PRKN: variants seen among roughly 807,000 people sequenced by gnomAD.
PRKN encodes parkin RBR E3 ubiquitin protein ligase, also known as E3 ubiquitin-protein ligase parkin.
PRKN carries 56 observed loss-of-function variants against 59.5 expected under a neutral mutation model. The observed-to-expected ratio is 0.94, with a 90% CI of 0.76 to 1.18. The LOEUF is 1.18. PRKN is among the 50% of genes most tolerant of loss of function. The pLI is 0.00. For missense variants in PRKN, 657 were observed against 596.4 expected, an observed-to-expected ratio of 1.10 and a Z score of -1.06; for synonymous variants, 250 against 222.1, an observed-to-expected ratio of 1.13 and a Z score of -1.12.
At chr6:162,455,478 T>C (rs562155838) in intron 1 of PRKN, among the ~76,000 whole-genome samples, 3 of 152,348 alleles carry the variant, frequency 2.0e-5, no homozygotes, top group African/African-American at 7.2e-5. Flanking sequence ...CTGAATACTG[T>C]AGGCAATTAT....
At chr6:162,704,227 C>T (rs1159298581) in intron 1 of PRKN, among the ~76,000 whole-genome samples, 2 of 152,014 alleles carry the variant, frequency 1.3e-5, no homozygotes, top group African/African-American at 2.4e-5. Flanking sequence ...AGGTGGACTG[C>T]GGGGGGGTTG....
intron 2 of PRKN, among the ~76,000 whole-genome samples, chr6:162,371,638 C>A (rs1054652555): frequency 3.3e-5 from 5 of 152,070 alleles, no homozygotes; most frequent in African/African-American, 9.7e-5. Context: ...AATAACCATT[C>A]GATAAAACTT....
intron 4 of PRKN, among the ~76,000 whole-genome samples, chr6:162,172,922 T>C (rs944329330): frequency 6.6e-6 from 1 of 151,886 alleles, no homozygotes; most frequent in African/African-American, 2.4e-5. Flanking sequence ...AAGGGGGGCG[T>C]GTGGGAGTGT....
chr6:162,562,278 C>T (rs369238093), intron 1 of PRKN, among the ~76,000 whole-genome samples: 6 of 152,110 alleles, frequency 3.9e-5, no homozygotes, highest in Non-Finnish European at 7.4e-5. Context: ...CCTTGGGTCA[C>T]GAATAACCAG....
intron 7 of PRKN, among the ~76,000 whole-genome samples, chr6:161,764,753 C>G (rs550835017): frequency 6.6e-6 from 1 of 152,156 alleles, no homozygotes; most frequent in Admixed American, 6.5e-5. Context: ...TGTATTAAAA[C>G]AATAGCTAAA....
At chr6:162,055,117 G>A (rs889860340) in intron 4 of PRKN, among the ~76,000 whole-genome samples, 1 of 152,122 alleles carries the variant, frequency 6.6e-6, no homozygotes, top group African/African-American at 2.4e-5. Context: ...AGCCGAGATT[G>A]TGCCACTGCA....
intron 2 of PRKN, among the ~76,000 whole-genome samples, chr6:162,379,637 T>C (rs1172407471): frequency 1.3e-5 from 2 of 152,118 alleles, no homozygotes; most frequent in African/African-American, 4.8e-5. Flanking sequence ...TGGACCCGCC[T>C]CTGGCTGGTG....
intron 2 of PRKN, among the ~76,000 whole-genome samples, chr6:162,277,253 G>A (rs1780673777): frequency 6.6e-6 from 1 of 152,104 alleles, no homozygotes; most frequent in South Asian, 2.1e-4. Flanking sequence ...AAAGAGGAGG[G>A]TTATTTCTGC....
intron 2 of PRKN, among the ~76,000 whole-genome samples, chr6:162,281,679 T>C (rs1780917069): frequency 6.6e-6 from 1 of 152,188 alleles, no homozygotes; most frequent in Non-Finnish European, 1.5e-5. Context: ...AGAAGAATTA[T>C]AGTCAAATAC....
intron 6 of PRKN, among the ~76,000 whole-genome samples, chr6:161,829,995 G>A (rs1792416512): frequency 6.6e-6 from 1 of 152,116 alleles, no homozygotes; most frequent in Admixed American, 6.5e-5. Flanking sequence ...TCATGTTGGT[G>A]CCCTGCTTCG....
At position 161,873,968 on chromosome 6, in the gene PRKN, A is replaced by ATAAT. The variant is rs1419124417; in HGVS notation, c.735-88064_735-88061dup. ...AAGAAATATATATTATATGTAAAAT[A>ATAAT]TAATATATAAAATATATATGTAAAA... On this transcript the variant is annotated intron_variant, in intron 6 of 11. Transcript: ENST00000366898. Among the ~76,000 whole-genome samples, 2 of 70,172 alleles carry ATAAT rather than the reference A, an allele frequency of 2.9e-5. 1 individual carries two copies. Among genetic ancestry groups the ATAAT allele is most frequent in the African/African-American group, 1.0e-4 (2 of 19,174 alleles). 46.0% of individuals were successfully genotyped at this position (70,172 alleles called of 152,430 possible).
chr6:162,426,329 G>A (rs1311269529), intron 2 of PRKN, among the ~76,000 whole-genome samples: 1 of 152,196 alleles, frequency 6.6e-6, no homozygotes, highest in Admixed American at 6.5e-5. Context: ...AGGCATGACT[G>A]TTCAATCATG....
intron 3 of PRKN, among the ~76,000 whole-genome samples, chr6:162,216,562 A>C (rs982604787): frequency 4.6e-5 from 7 of 150,648 alleles, no homozygotes; most frequent in East Asian, 2.0e-4. Context: ...AAAAAAAAAA[A>C]AACCCAGTTT....
rs1786185767 is a variant in PRKN at position 161,699,994 on chromosome 6, T to C, written c.871+85778A>G. ...TAGTGGCCTGCAGGGTCTGCAGTCA[T>C]GGGTATTTCTAATCTTCCTTGACCT... On this transcript the variant is annotated intron_variant, in intron 7 of 11. Transcript: ENST00000366898. Among the ~76,000 whole-genome samples, 6 of 152,216 alleles carry C rather than the reference T, an allele frequency of 3.9e-5. 1 individual carries two copies. The South Asian group carries it at 1.2e-3, about 32-fold the overall frequency.
At chr6:162,263,849 G>A (rs1004607010) in intron 2 of PRKN, among the ~76,000 whole-genome samples, 2 of 152,016 alleles carry the variant, frequency 1.3e-5, no homozygotes, top group South Asian at 4.1e-4. Flanking sequence ...AGCTACTCGG[G>A]AGGCTGAGGC....
chr6:162,534,731 C>T (rs1219699133), intron 1 of PRKN, among the ~76,000 whole-genome samples: 1 of 152,098 alleles, frequency 6.6e-6, no homozygotes, highest in East Asian at 1.9e-4. Context: ...AACATGTTTC[C>T]ACCAGATCTG....
At chr6:161,408,618 C>A (rs1290434782) in intron 9 of PRKN, among the ~76,000 whole-genome samples, 1 of 151,240 alleles carries the variant, frequency 6.6e-6, no homozygotes, top group African/African-American at 2.4e-5. Context: ...GTCAGGGGGT[C>A]GGCGAGGCTG....
chr6:162,648,902 A>G (rs1778304741), intron 1 of PRKN, among the ~76,000 whole-genome samples: 1 of 152,174 alleles, frequency 6.6e-6, no homozygotes, highest in Non-Finnish European at 1.5e-5. Context: ...CTTTAAGTAA[A>G]TAAGTTTACC....
intron 4 of PRKN, among the ~76,000 whole-genome samples, chr6:162,093,051 C>T (rs1489268121): frequency 2.0e-5 from 3 of 152,188 alleles, no homozygotes; most frequent in South Asian, 2.1e-4. Context: ...TTCAGGCTTG[C>T]GTTCTAGCTA....
Sources: gnomAD v4.1 joint callset for allele counts (sites outside exome capture counted in the v4.1 genomes callset) on GRCh38, gnomAD v4.1.1 for gene constraint, MANE v1.5 for transcripts, NCBI Gene and HGNC (gene_info 2026-07-23, HGNC 2026-07-21) for gene names.